The following PIP4K2A variants were observed in gnomAD, a reference collection of about 807,000 sequenced individuals.
The protein encoded by PIP4K2A is phosphatidylinositol-5-phosphate 4-kinase type 2 alpha, also known as phosphatidylinositol 5-phosphate 4-kinase type-2 alpha.
PIP4K2A carries 14 observed loss-of-function variants against 42.9 expected under a neutral mutation model. The observed-to-expected ratio is 0.33, with a 90% CI of 0.22 to 0.51. The LOEUF is 0.51. PIP4K2A is among the 20% of genes least tolerant of loss of function. The probability of loss-of-function intolerance (pLI) is 0.97; values close to 1 mark genes in which losing one functional copy is unlikely to be tolerated. For missense variants in PIP4K2A, 434 were observed against 519.8 expected (o/e 0.83, Z 1.61); for synonymous variants, 192 against 192.2 (o/e 1.00, Z 0.01).
At chr10:22,619,598 G>A (rs955334931) in intron 1 of PIP4K2A, among the ~76,000 whole-genome samples, 4 of 151,880 alleles carry the variant, frequency 2.6e-5, no homozygotes, top group African/African-American at 7.3e-5. Context: ...CACCACGTGT[G>A]GCTAGTTTTT....
rs1388056767 is a variant in PIP4K2A at position 22,535,192 on chromosome 10, T to C, written c.*2009A>G. On this transcript the variant is annotated 3_prime_UTR_variant, in exon 10 of 10. Transcript: ENST00000376573. The stretch of plus-strand genomic sequence containing the variant: ...AGGAAACAGTTACTCAAATAATGTA[T>C]GTGTACCTTATCTTTACTTCAGGGT... The C allele has an allele frequency of 6.6e-6, 1 of 152,236 alleles. No homozygotes were observed. Among genetic ancestry groups the C allele is most frequent in the Non-Finnish European group, 1.5e-5 (1 of 68,040 alleles). 9.4% of individuals were successfully genotyped at this position (152,236 alleles called of 1,614,324 possible).
At chr10:22,575,750 C>G (rs1006103471) in intron 4 of PIP4K2A, among the ~76,000 whole-genome samples, 4 of 151,914 alleles carry the variant, frequency 2.6e-5, no homozygotes, top group African/African-American at 4.8e-5. Flanking sequence ...TCAGCCTGGC[C>G]AAGATGGTGA....
chr10:22,559,501 G>A (rs1274567355), intron 6 of PIP4K2A, among the ~76,000 whole-genome samples: 1 of 152,190 alleles, frequency 6.6e-6, no homozygotes, highest in Non-Finnish European at 1.5e-5. Context: ...TCTGGAAAGT[G>A]CTCACAAGAG....
intron 1 of PIP4K2A, among the ~76,000 whole-genome samples, chr10:22,658,697 G>A (rs1428753708): frequency 6.6e-6 from 1 of 152,208 alleles, no homozygotes; most frequent in African/African-American, 2.4e-5. Flanking sequence ...CCATAAGAAT[G>A]AGAATGTGAA....
chr10:22,644,464 C>A (rs184942340), intron 1 of PIP4K2A, among the ~76,000 whole-genome samples: 65 of 152,302 alleles, frequency 4.3e-4, no homozygotes, highest in African/African-American at 1.4e-3. Flanking sequence ...TGCCCAACTC[C>A]TCTACAAGTC....
chr10:22,558,744 A>C (rs1836613473), intron 6 of PIP4K2A, among the ~76,000 whole-genome samples: 1 of 152,144 alleles, frequency 6.6e-6, no homozygotes, highest in South Asian at 2.1e-4. Flanking sequence ...ACATCTTATA[A>C]TTTTTATTTT....
Position 22,706,707 on chromosome 10 carries a change from T to C in PIP4K2A, c.144+7476A>G, listed in dbSNP as rs117483557. 6.7e-3 allele frequency among the ~76,000 whole-genome samples: 1,019 copies of C among 152,312 alleles called. 5 individuals are homozygous for C. Among genetic ancestry groups the C allele is most frequent in the Non-Finnish European group, 0.011 (722 of 68,028 alleles). On this transcript the variant is annotated intron_variant, in intron 1 of 9. Coordinates refer to ENST00000376573, the MANE Select transcript of PIP4K2A (RefSeq NM_005028.5). ...AAGACAAGGTGAAATATCAAGTCAA[T>C]AGCTGACATAACTTGCAACTAATGG...
chr10:22,648,763 A>G (rs768244596), intron 1 of PIP4K2A, among the ~76,000 whole-genome samples: 1 of 152,232 alleles, frequency 6.6e-6, no homozygotes, highest in Non-Finnish European at 1.5e-5. Flanking sequence ...ACATACTCCC[A>G]AGCTTAATGA....
At chr10:22,686,425 G>A (rs1839765409) in intron 1 of PIP4K2A, among the ~76,000 whole-genome samples, 1 of 152,202 alleles carries the variant, frequency 6.6e-6, no homozygotes. Flanking sequence ...ATACTAGGTT[G>A]AGAAGTCACT....
chr10:22,704,002 G>C (rs1375856144), intron 1 of PIP4K2A, among the ~76,000 whole-genome samples: 1 of 152,162 alleles, frequency 6.6e-6, no homozygotes, highest in African/African-American at 2.4e-5. Flanking sequence ...GAAATCAAGA[G>C]GCCTGCTTGG....
chr10:22,631,075 C>T (rs1461327248), intron 1 of PIP4K2A, among the ~76,000 whole-genome samples: 2 of 152,232 alleles, frequency 1.3e-5, no homozygotes, highest in Non-Finnish European at 2.9e-5. Context: ...ACACGGTATA[C>T]TAACACACCA....
At chr10:22,661,372 T>TTTA (rs869064787) in intron 1 of PIP4K2A, among the ~76,000 whole-genome samples, 3 of 148,702 alleles carry the variant, frequency 2.0e-5, no homozygotes, top group Non-Finnish European at 3.0e-5. Flanking sequence ...TTTTTTTTTT[T>TTTA]AAGAGATGGG....
chr10:22,656,555 C>A (rs780333590), intron 1 of PIP4K2A, among the ~76,000 whole-genome samples: 2 of 152,048 alleles, frequency 1.3e-5, no homozygotes, highest in Non-Finnish European at 2.9e-5. Flanking sequence ...ACCTGTAATC[C>A]CGGCACTTTG....
At chr10:22,708,826 C>T (rs529632665) in intron 1 of PIP4K2A, among the ~76,000 whole-genome samples, 1 of 152,340 alleles carries the variant, frequency 6.6e-6, no homozygotes, top group South Asian at 2.1e-4. Flanking sequence ...ATCTGTCACC[C>T]AAGCTACAGT....
At chr10:22,551,888 C>T (rs1461528534) in intron 6 of PIP4K2A, among the ~76,000 whole-genome samples, 1 of 152,224 alleles carries the variant, frequency 6.6e-6, no homozygotes, top group East Asian at 1.9e-4. Context: ...GCATCTTTCA[C>T]ATGCTCGAAC....
At chr10:22,659,188 C>T (rs375363026) in intron 1 of PIP4K2A, among the ~76,000 whole-genome samples, 1 of 152,222 alleles carries the variant, frequency 6.6e-6, no homozygotes, top group East Asian at 1.9e-4. Flanking sequence ...GCTAGCTTTA[C>T]CCAGTCTTCA....
At position 22,572,018 on chromosome 10, in the gene PIP4K2A, T is replaced by A. The variant is rs1219457361; in HGVS notation, c.639+1293A>T. Among the ~76,000 whole-genome samples, 4 of 152,248 alleles carry A rather than the reference T, an allele frequency of 2.6e-5. No homozygotes were observed. In the East Asian group the frequency reaches 7.7e-4, roughly 29 times the overall value. On this transcript the variant is annotated intron_variant, in intron 5 of 9. Coordinates refer to ENST00000376573, the MANE Select transcript of PIP4K2A (RefSeq NM_005028.5). ...TCATTTTTAAAGAAACTACATATTC[T>A]AATATTTCTTATATTAATTTTTAAT...
intron 3 of PIP4K2A, among the ~76,000 whole-genome samples, chr10:22,594,567 T>C (rs1457993710): frequency 1.3e-5 from 2 of 152,088 alleles, no homozygotes; most frequent in Non-Finnish European, 2.9e-5. Flanking sequence ...AGCTAATTTT[T>C]TTATTTTTAA....
At chr10:22,666,176 T>C (rs1239788327) in intron 1 of PIP4K2A, among the ~76,000 whole-genome samples, 2 of 152,222 alleles carry the variant, frequency 1.3e-5, no homozygotes, top group East Asian at 1.9e-4. Context: ...TTCCCAATAA[T>C]GCTTTTACCA....
Sources: allele counts gnomAD v4.1 joint callset (sites outside exome capture counted in the v4.1 genomes callset), GRCh38; gene constraint gnomAD v4.1.1; transcripts MANE v1.5; gene names NCBI Gene and HGNC (gene_info 2026-07-23, HGNC 2026-07-21).